ABCB5: variants seen among roughly 807,000 people sequenced by gnomAD.
The protein encoded by ABCB5 is ATP-binding cassette sub-family B member 5.
ABCB5 carries 155 observed loss-of-function variants against 144.2 expected under a neutral mutation model. The observed-to-expected ratio is 1.08, with a 90% CI of 0.94 to 1.23. ABCB5 has a LOEUF of 1.23. Among genes scored for constraint, ABCB5 ranks in the 50% most tolerant of loss-of-function variants. The pLI is 0.00. For synonymous variants in ABCB5, 610 were observed against 528.6 expected (o/e 1.15, Z -2.11); for missense variants, 1,830 against 1,520.8 (o/e 1.20, Z -3.38).
intron 16 of ABCB5, among the ~76,000 whole-genome samples, chr7:20,691,816 G>C (rs1203760238): frequency 6.6e-6 from 1 of 151,760 alleles, no homozygotes; most frequent in Non-Finnish European, 1.5e-5. Context: ...CCAGAACAAG[G>C]CTCAGTAACA....
chr7:20,651,356 T>A (rs918469269), intron 12 of ABCB5, 64 bp from the exon 13 acceptor site: 1 of 1,538,966 alleles, frequency 6.5e-7, no homozygotes, highest in African/African-American at 1.4e-5. Context: ...TGGTCTAGTA[T>A]GAAAAACCCT....
chr7:20,631,019 C>T (rs755520268), intron 4 of ABCB5, among the ~76,000 whole-genome samples: 34 of 152,124 alleles, frequency 2.2e-4, no homozygotes, highest in Non-Finnish European at 4.9e-4. Flanking sequence ...AACCTTCTAA[C>T]ATTGGTTTTC....
chr7:20,714,709 G>C (rs1161215338), intron 20 of ABCB5, among the ~76,000 whole-genome samples: 2 of 152,094 alleles, frequency 1.3e-5, no homozygotes, highest in African/African-American at 4.8e-5. Context: ...TCCAGCAGCA[G>C]ATTAACACAA....
intron 4 of ABCB5, among the ~76,000 whole-genome samples, chr7:20,631,424 T>C (rs554857486): frequency 1.3e-5 from 2 of 152,292 alleles, no homozygotes; most frequent in Non-Finnish European, 2.9e-5. Context: ...ATTTCAAATG[T>C]TGATTATAGA....
chr7:20,749,437 C>A (rs1422258400), intron 26 of ABCB5, among the ~76,000 whole-genome samples: 1 of 113,570 alleles, frequency 8.8e-6, no homozygotes, highest in Non-Finnish European at 1.8e-5. Flanking sequence ...GGGGTTTCAC[C>A]ATGTTGCCCA....
chr7:20,687,222 T>A (rs1402010399), intron 16 of ABCB5, among the ~76,000 whole-genome samples: 1 of 152,166 alleles, frequency 6.6e-6, no homozygotes, highest in Non-Finnish European at 1.5e-5. Context: ...CTGAAAACAC[T>A]ATGGAAATCT....
At chr7:20,633,564 C>T (rs997277098) in intron 5 of ABCB5, among the ~76,000 whole-genome samples, 2 of 151,980 alleles carry the variant, frequency 1.3e-5, no homozygotes, top group Non-Finnish European at 2.9e-5. Flanking sequence ...TGATCAGATC[C>T]GATTAATTAG....
chr7:20,631,201 T>G lies in ABCB5; in HGVS notation c.260-858T>G, dbSNP rs563355726. ...ATTTTTATAAGACTGCAGGAACCAT[T>G]TTTAGAAACAATGTTTATTTCCTTT... On this transcript the variant is annotated intron_variant, in intron 4 of 27. Coordinates refer to ENST00000404938, the MANE Select transcript of ABCB5 (RefSeq NM_001163941.2). Among the ~76,000 whole-genome samples the G allele has an allele frequency of 2.0e-5, 3 of 152,292 alleles. No individual in the cohort carries two copies. The South Asian group carries it at 6.2e-4, about 32-fold the overall frequency.
intron 26 of ABCB5, among the ~76,000 whole-genome samples, chr7:20,747,179 T>A (rs1562591726): frequency 6.6e-6 from 1 of 152,244 alleles, no homozygotes; most frequent in Non-Finnish European, 1.5e-5. Context: ...CACTGCATTG[T>A]TAATTTGTGG....
chr7:20,651,970 G>A (rs554709801), intron 13 of ABCB5, among the ~76,000 whole-genome samples: 1 of 152,252 alleles, frequency 6.6e-6, no homozygotes, highest in South Asian at 2.1e-4. Flanking sequence ...CATCTGTAGA[G>A]AAGAATGCAT....
chr7:20,704,075 C>CTTTTTTTTTTTTTTCTTTTTTTTTTTTTT (rs1786729284), intron 19 of ABCB5, among the ~76,000 whole-genome samples: 4 of 80,774 alleles, frequency 5.0e-5, no homozygotes, highest in Non-Finnish European at 6.5e-5. Context: ...TATTGCCTTC[C>CTTTTTTTTTTTTTTCTTTTTTTTTTTTTT]TTTTTTTTTT....
At chr7:20,647,701 C>CA (rs1784452254) in intron 10 of ABCB5, 53 bp downstream of exon 10, 2 of 1,526,290 alleles carry the variant, frequency 1.3e-6, no homozygotes, top group African/African-American at 1.4e-5. Context: ...AAGAAGGAGA[C>CA]AAAAAAACAT....
intron 15 of ABCB5, among the ~76,000 whole-genome samples, chr7:20,683,606 G>C (rs190945331): frequency 6.6e-6 from 1 of 152,116 alleles, no homozygotes. Context: ...TGGTGTGTTT[G>C]TGGGATGAGT....
At chr7:20,722,725 G>A (rs1270432172) in intron 20 of ABCB5, among the ~76,000 whole-genome samples, 2 of 152,088 alleles carry the variant, frequency 1.3e-5, no homozygotes, top group East Asian at 1.9e-4. Flanking sequence ...CAGAGGCTGA[G>A]GCAAGAGAAT....
intron 19 of ABCB5, among the ~76,000 whole-genome samples, chr7:20,704,304 T>G (rs1248690471): frequency 1.3e-5 from 2 of 152,092 alleles, no homozygotes; most frequent in East Asian, 3.9e-4. Flanking sequence ...CTCGACCCCC[T>G]AGACTCAATC....
chr7:20,680,435 T>C (rs1785752678), intron 14 of ABCB5, among the ~76,000 whole-genome samples: 2 of 151,964 alleles, frequency 1.3e-5, no homozygotes, highest in Admixed American at 1.3e-4. Flanking sequence ...TAGCCGGGCG[T>C]GGTGGTGGGC....
chr7:20,675,544 A>G (rs981441501), intron 14 of ABCB5, among the ~76,000 whole-genome samples: 2 of 152,100 alleles, frequency 1.3e-5, no homozygotes, highest in African/African-American at 4.8e-5. Flanking sequence ...TTAAAATGAA[A>G]CTGTAAAACT....
chr7:20,615,682 CACA>C lies in ABCB5; in HGVS notation c.-175_-173del, dbSNP rs1783668144. 1 of 151,870 alleles carries C rather than the reference CACA, an allele frequency of 6.6e-6. No individual in the cohort carries two copies. Among genetic ancestry groups the C allele is most frequent in the Non-Finnish European group, 1.5e-5 (1 of 68,198 alleles). The allele number at this position is 151,870 out of a possible 1,614,324, so 9.4% of individuals were successfully genotyped here. On this transcript the variant is annotated 5_prime_UTR_variant, in exon 1 of 28. Transcript: ENST00000404938. Reference sequence around the variant, plus strand: ...TGTGGTGACTGGCACTTCCAAAATCCACAAGCCAGACTAGAAGGCTGGAAATTC... The same window carrying C: ...TGTGGTGACTGGCACTTCCAAAATCCAGCCAGACTAGAAGGCTGGAAATTC...
chr7:20,726,321 G>C (rs932181779), intron 21 of ABCB5, among the ~76,000 whole-genome samples: 3 of 140,470 alleles, frequency 2.1e-5, no homozygotes, highest in Non-Finnish European at 4.6e-5. Flanking sequence ...TTCTTTGCTA[G>C]AATAAAATAA....
Sources: gnomAD v4.1 joint callset for allele counts (sites outside exome capture counted in the v4.1 genomes callset) on GRCh38, gnomAD v4.1.1 for gene constraint, MANE v1.5 for transcripts, NCBI Gene and HGNC (gene_info 2026-07-23, HGNC 2026-07-21) for gene names.